Variants in PALD1 observed in about 807,000 individuals in gnomAD.
PALD1 encodes the protein phosphatase domain containing paladin 1, also known as paladin.
PALD1 carries 57 observed loss-of-function variants against 96.0 expected under a neutral mutation model. The observed-to-expected ratio is 0.59, with a 90% CI of 0.48 to 0.74. The LOEUF (loss-of-function observed/expected upper bound fraction) is 0.74. PALD1 is among the 30% of genes least tolerant of loss of function. The pLI is 0.00. For synonymous variants in PALD1, 464 were observed against 473.6 expected (o/e 0.98, Z 0.26); for missense variants, 1,063 against 1,143.7 (o/e 0.93, Z 1.02).
At chr10:70,495,103 G>A (rs978672067) in intron 1 of PALD1, among the ~76,000 whole-genome samples, 1 of 152,216 alleles carries the variant, frequency 6.6e-6, no homozygotes, top group African/African-American at 2.4e-5. Context: ...TCAGTTCTGT[G>A]TTCTTCCCAC....
intron 1 of PALD1, chr10:70,485,233 A>G (rs1845999598): frequency 6.6e-6 from 1 of 152,154 alleles, no homozygotes. Flanking sequence ...CATCTTTAAA[A>G]TTCTTCCTAG....
intron 8 of PALD1, 72 bp downstream of exon 8, chr10:70,534,145 G>T: frequency 7.0e-7 from 1 of 1,438,676 alleles, no homozygotes; most frequent in Non-Finnish European, 9.2e-7. Flanking sequence ...CCACAGTGTG[G>T]GGACATGTCT....
At chr10:70,537,561 C>T (rs964623128) in intron 10 of PALD1, among the ~76,000 whole-genome samples, 10 of 152,224 alleles carry the variant, frequency 6.6e-5, no homozygotes, top group Non-Finnish European at 1.2e-4. Flanking sequence ...TTGGGGAGAC[C>T]AGCCCTGCAC....
rs765961769 is a variant in PALD1, at chr10:70,547,398, G to C, written c.2214G>C (p.Thr738=). 1 of 1,612,936 alleles carries C rather than the reference G, an allele frequency of 6.2e-7. No homozygotes were observed. Among genetic ancestry groups the C allele is most frequent in the Non-Finnish European group, 8.5e-7 (1 of 1,179,474 alleles). ...AALDTVSETM[T]PMHYHLREII... is the part of the protein sequence containing the mutation. The stretch of plus-strand genomic sequence containing the variant: ...TGGACACTGTCAGCGAGACCATGAC[G>C]CCCATGCACTACCACCTGCGGGAGA... Residue 738 remains threonine (T), a synonymous_variant, in exon 18 of 20, where the codon ACG becomes ACC. Coordinates refer to ENST00000263563, the MANE Select transcript of PALD1 (RefSeq NM_014431.3).
At chr10:70,477,906 C>G (rs1371951002), upstream of PALD1, among the ~76,000 whole-genome samples, 2 of 44,574 alleles carry the variant, frequency 4.5e-5, no homozygotes, top group African/African-American at 5.1e-5. Context: ...CCTATCTCTC[C>G]GCGAGGAAGC....
chr10:70,481,743 A>G (rs1388674076), intron 1 of PALD1, among the ~76,000 whole-genome samples: 1 of 152,230 alleles, frequency 6.6e-6, no homozygotes, highest in Non-Finnish European at 1.5e-5. Flanking sequence ...GATGAGAGCC[A>G]CTGCCCTCTG....
At chr10:70,490,987 C>G (rs1846087712) in intron 1 of PALD1, among the ~76,000 whole-genome samples, 2 of 151,922 alleles carry the variant, frequency 1.3e-5, no homozygotes, top group Admixed American at 6.6e-5. Flanking sequence ...CAGAGTCTCG[C>G]TCTGTCGCCC....
chr10:70,488,651 C>T (rs184343552), intron 1 of PALD1, among the ~76,000 whole-genome samples: 135 of 152,248 alleles, frequency 8.9e-4, no homozygotes, highest in Admixed American at 1.7e-3. Context: ...TGCTTTCATC[C>T]GGCCATGTAT....
rs267602563 is a variant in PALD1 at position 70,537,863 on chromosome 10, G to A, written c.1280G>A (p.Arg427Gln). 2.5e-6 allele frequency: 4 copies of A among 1,613,756 alleles called. No individual in the cohort carries two copies. Among genetic ancestry groups the A allele is most frequent in the South Asian group, 1.1e-5 (1 of 91,078 alleles). Residue 427 changes from arginine (R) to glutamine (Q), a missense_variant, in exon 11 of 20, where the codon CGA becomes CAA. By Grantham distance (43) the Arg-to-Gln change is conservative (BLOSUM62 1). Coordinates refer to ENST00000263563, the MANE Select transcript of PALD1 (RefSeq NM_014431.3). ...CAGAGGGCGCTGTGGAGCCTGGAGC[G>A]ATACTTCTACCTGATCCTGTTTAAC... The part of the protein sequence containing the change: ...VWQRALWSLE[R>Q]YFYLILFNYY...
chr10:70,546,798 G>A (rs1387257222), intron 17 of PALD1, among the ~76,000 whole-genome samples: 1 of 152,120 alleles, frequency 6.6e-6, no homozygotes, highest in Non-Finnish European at 1.5e-5. Context: ...AAAAGTACAA[G>A]ATATTAGCCA....
the PALD1 span, among the ~76,000 whole-genome samples, chr10:70,458,977 G>T: frequency 6.6e-6 from 1 of 152,224 alleles, no homozygotes; most frequent in Non-Finnish European, 1.5e-5. Context: ...TTACCGCGGT[G>T]CTGCACTGCT....
At chr10:70,529,417 C>T (rs952635495) in intron 3 of PALD1, 86 bp downstream of exon 3, 112 of 691,736 alleles carry the variant, frequency 1.6e-4, no homozygotes, top group Non-Finnish European at 8.6e-5. Flanking sequence ...CCCTCTGGCC[C>T]TCCCCAACTT....
chr10:70,561,046 G>T (rs530821431), intron 18 of PALD1, among the ~76,000 whole-genome samples: 3 of 152,188 alleles, frequency 2.0e-5, no homozygotes, highest in Non-Finnish European at 2.9e-5. Flanking sequence ...TTCTGGGGGC[G>T]GGGGTCAGGC....
chr10:70,564,106 A>C (rs574271781), intron 18 of PALD1, among the ~76,000 whole-genome samples: 1 of 152,186 alleles, frequency 6.6e-6, no homozygotes, highest in Admixed American at 6.5e-5. Context: ...AGAACAGGAC[A>C]GTGGTTATGA....
At chr10:70,524,832 C>T (rs2132349358) in intron 1 of PALD1, among the ~76,000 whole-genome samples, 1 of 152,310 alleles carries the variant, frequency 6.6e-6, no homozygotes, top group South Asian at 2.1e-4. Flanking sequence ...TGATTATAAA[C>T]AACACCCCAG....
intron 10 of PALD1, among the ~76,000 whole-genome samples, chr10:70,535,207 G>A (rs933431455): frequency 2.6e-5 from 4 of 152,218 alleles, no homozygotes; most frequent in Non-Finnish European, 4.4e-5. Context: ...GGTCCAGCTG[G>A]CTGCTTCTGA....
At chr10:70,499,364 C>CT (rs1846253220) in intron 1 of PALD1, among the ~76,000 whole-genome samples, 2 of 152,198 alleles carry the variant, frequency 1.3e-5, no homozygotes, top group Non-Finnish European at 2.9e-5. Flanking sequence ...GCCCCAGGTC[C>CT]CCTTCCTGGG....
chr10:70,479,552 CGGG>C (rs1845893029), intron 1 of PALD1, among the ~76,000 whole-genome samples: 1 of 152,152 alleles, frequency 6.6e-6, no homozygotes. Flanking sequence ...TCTGTAGGCC[CGGG>C]TCTCCAAGGA....
chr10:70,556,465 G>C (rs528394877), intron 18 of PALD1, among the ~76,000 whole-genome samples: 3 of 152,104 alleles, frequency 2.0e-5, no homozygotes, highest in African/African-American at 7.2e-5. Flanking sequence ...ACAGAGATGC[G>C]CCACCAGGCC....
Sources: allele counts gnomAD v4.1 joint callset (sites outside exome capture counted in the v4.1 genomes callset), GRCh38; gene constraint gnomAD v4.1.1; transcripts MANE v1.5; gene names NCBI Gene and HGNC (gene_info 2026-07-23, HGNC 2026-07-21).